RANBP9: variants seen among roughly 807,000 people sequenced by gnomAD.
RANBP9 encodes the protein ran-binding protein 9.
RANBP9 carries 15 observed loss-of-function variants against 84.3 expected under a neutral mutation model. The ratio of observed to expected loss-of-function variants is 0.18; its 90% CI spans 0.12 to 0.27. RANBP9 has a LOEUF of 0.27. Among genes scored for constraint, RANBP9 ranks in the 10% least tolerant of loss-of-function variants. The pLI is 1.00. For synonymous variants in RANBP9, 392 were observed against 349.6 expected, an observed-to-expected ratio of 1.12 and a Z score of -1.35; for missense variants, 809 against 912.8, an observed-to-expected ratio of 0.89 and a Z score of 1.46.
chr6:13,658,087 A>G (rs1765449053), intron 3 of RANBP9, among the ~76,000 whole-genome samples: 1 of 152,142 alleles, frequency 6.6e-6, no homozygotes, highest in South Asian at 2.1e-4. Flanking sequence ...CTGGATCTCA[A>G]TTCATCTCTT....
At chr6:13,672,985 T>G (rs1358652984) in intron 2 of RANBP9, among the ~76,000 whole-genome samples, 1 of 152,108 alleles carries the variant, frequency 6.6e-6, no homozygotes, top group African/African-American at 2.4e-5. Context: ...ATGAAGTATT[T>G]GAAGTAATGA....
chr6:13,649,904 T>C (rs951516806), intron 5 of RANBP9, among the ~76,000 whole-genome samples: 11 of 152,162 alleles, frequency 7.2e-5, no homozygotes, highest in East Asian at 5.8e-4. Context: ...CTAAGTACAA[T>C]TGTCAATTCT....
intron 9 of RANBP9, 119 bp from the exon 10 acceptor site, chr6:13,638,074 T>C (rs1764983403): frequency 1.2e-6 from 1 of 856,038 alleles, no homozygotes; most frequent in African/African-American, 1.7e-5. Flanking sequence ...AGTCAATGGA[T>C]GATGTAAACA....
chr6:13,660,647 A>C (rs533326113), intron 2 of RANBP9, among the ~76,000 whole-genome samples: 2 of 152,374 alleles, frequency 1.3e-5, no homozygotes, highest in East Asian at 3.9e-4. Context: ...TTCATATGTA[A>C]AAATATATAA....
At chr6:13,633,704 GCATTT>G (rs2127762295) in intron 11 of RANBP9, among the ~76,000 whole-genome samples, 1 of 152,222 alleles carries the variant, frequency 6.6e-6, no homozygotes, top group South Asian at 2.1e-4. Flanking sequence ...AAACAAAGCT[GCATTT>G]CTTTTTAAAA....
chr6:13,636,032 A>G (rs1166001475), intron 10 of RANBP9, among the ~76,000 whole-genome samples: 4 of 152,134 alleles, frequency 2.6e-5, no homozygotes, highest in South Asian at 4.1e-4. Context: ...AAAACATGAC[A>G]TATTTGATGG....
chr6:13,674,845 AC>A (rs1024539074), intron 2 of RANBP9, among the ~76,000 whole-genome samples: 29 of 152,208 alleles, frequency 1.9e-4, no homozygotes, highest in African/African-American at 4.8e-4. Flanking sequence ...TAAAGTAGTT[AC>A]CTTTGTCTTA....
chr6:13,643,037 T>G (rs960103355), intron 6 of RANBP9, among the ~76,000 whole-genome samples: 3 of 152,202 alleles, frequency 2.0e-5, no homozygotes, highest in African/African-American at 7.2e-5. Flanking sequence ...GTTCCAGAGT[T>G]CAACCATCTT....
At chr6:13,639,248 A>G (rs368744038) in intron 9 of RANBP9, among the ~76,000 whole-genome samples, 19 of 152,258 alleles carry the variant, frequency 1.2e-4, no homozygotes, top group East Asian at 5.8e-4. Flanking sequence ...ACGTGATCTC[A>G]GCTCACTGCA....
intron 13 of RANBP9, among the ~76,000 whole-genome samples, chr6:13,623,808 T>A (rs1764526274): frequency 1.3e-5 from 2 of 152,172 alleles, no homozygotes; most frequent in African/African-American, 4.8e-5. Context: ...ATTAATAAGA[T>A]TAAGCACTAT....
At position 13,691,768 on chromosome 6, in the gene RANBP9, C is replaced by T. The variant is rs550910571; in HGVS notation, c.683+5017G>A. 3.3e-5 allele frequency among the ~76,000 whole-genome samples: 5 copies of T among 152,104 alleles called. No individual in the cohort carries two copies. In the East Asian group the frequency reaches 9.7e-4, roughly 29 times the overall value. ...GCAACCTCTGCCTCCTGTGTTCAAGCGATTCTCCTGCCCCAGCCCCCCAAG... is the reference window on the plus strand; with the variant it reads ...GCAACCTCTGCCTCCTGTGTTCAAGTGATTCTCCTGCCCCAGCCCCCCAAG... On this transcript the variant is annotated intron_variant, in intron 2 of 13. Transcript: ENST00000011619.
At chr6:13,652,541 T>A in intron 5 of RANBP9, 118 bp downstream of exon 5, 1 of 1,006,236 alleles carries the variant, frequency 9.9e-7, no homozygotes, top group South Asian at 1.8e-5. Flanking sequence ...TTGCATGTCA[T>A]ATAAACCTAA....
chr6:13,660,473 A>T (rs1023780772), intron 2 of RANBP9, among the ~76,000 whole-genome samples: 5 of 152,120 alleles, frequency 3.3e-5, no homozygotes, highest in African/African-American at 1.2e-4. Flanking sequence ...TGATCACACC[A>T]CTGCACTCCA....
chr6:13,636,243 A>G (rs1456342381), intron 10 of RANBP9, among the ~76,000 whole-genome samples: 1 of 152,114 alleles, frequency 6.6e-6, no homozygotes, highest in African/African-American at 2.4e-5. Flanking sequence ...GCTACTAATA[A>G]TTGACCTTAA....
At chr6:13,707,177 C>G (rs1758149830) in intron 1 of RANBP9, among the ~76,000 whole-genome samples, 4 of 152,046 alleles carry the variant, frequency 2.6e-5, no homozygotes. Flanking sequence ...GTGTGTGCCA[C>G]TTAGCCCGGT....
In RANBP9 at chr6:13,657,351, G is replaced by T. The variant is rs1303372229; in HGVS notation, c.737-75C>A. 4.7e-6 allele frequency: 6 copies of T among 1,275,736 alleles called. No homozygotes were observed. In the African/African-American group the frequency reaches 9.0e-5, roughly 19 times the overall value. The allele number at this position is 1,275,736 out of a possible 1,614,324, so 79.0% of individuals were successfully genotyped here. A position where few individuals can be genotyped will look rare whatever the true frequency, so the allele number is the denominator to read the frequency against. ...TACTAGGTTTATTCACTAAGATTAT[G>T]ATAAATCAGAACAGTACAAGATAAT... On this transcript the variant is annotated intron_variant, in intron 3 of 13. Transcript: ENST00000011619.
chr6:13,660,427 T>G (rs2127771579), intron 2 of RANBP9, among the ~76,000 whole-genome samples: 1 of 152,222 alleles, frequency 6.6e-6, no homozygotes, highest in South Asian at 2.1e-4. Context: ...GAGGACTGCT[T>G]GACCCCAGGA....
intron 2 of RANBP9, among the ~76,000 whole-genome samples, chr6:13,686,491 G>C (rs1766193559): frequency 6.6e-6 from 1 of 151,516 alleles, no homozygotes; most frequent in Non-Finnish European, 1.5e-5. Context: ...TACCATGTTG[G>C]CCAGGCTGGT....
chr6:13,654,776 A>G (rs1765363934), intron 4 of RANBP9, among the ~76,000 whole-genome samples: 1 of 152,254 alleles, frequency 6.6e-6, no homozygotes, highest in South Asian at 2.1e-4. Context: ...CAGGAGGCTA[A>G]CTTGGCCATA....
Sources: gnomAD v4.1 joint callset for allele counts (sites outside exome capture counted in the v4.1 genomes callset) on GRCh38, gnomAD v4.1.1 for gene constraint, MANE v1.5 for transcripts, NCBI Gene and HGNC (gene_info 2026-07-23, HGNC 2026-07-21) for gene names.